UBR4: variants seen among roughly 807,000 people sequenced by gnomAD.
UBR4 encodes ubiquitin protein ligase E3 component n-recognin 4.
Under a neutral mutation model 575.6 loss-of-function variants are expected in UBR4, and 124 were observed. The ratio of observed to expected loss-of-function variants is 0.22; its 90% confidence interval spans 0.19 to 0.25. UBR4 has a LOEUF of 0.25. UBR4 is among the 10% of genes least tolerant of loss of function. The probability of loss-of-function intolerance (pLI) is 1.00; values close to 1 mark genes in which losing one functional copy is unlikely to be tolerated. For missense variants in UBR4, 4,818 were observed against 6,478.8 expected (o/e 0.74, Z 8.80); for synonymous variants, 2,455 against 2,473.7 (o/e 0.99, Z 0.22).
intron 17 of UBR4, 24 bp from the exon 18 acceptor site, chr1:19,179,244 A>G (rs767686744): frequency 6.6e-7 from 1 of 1,523,504 alleles, no homozygotes; most frequent in Non-Finnish European, 8.8e-7. Context: ...CATGGAACAG[A>G]ACATTAGCAA....
intron 97 of UBR4, among the ~76,000 whole-genome samples, chr1:19,090,463 G>A (rs554062642): frequency 6.6e-6 from 1 of 152,028 alleles, no homozygotes; most frequent in African/African-American, 2.4e-5. Flanking sequence ...CCTCGCCTCC[G>A]ACTGCAGCTG....
chr1:19,099,698 A>T (rs778052315), intron 89 of UBR4, 21 bp from the exon 90 acceptor site: 1 of 1,605,890 alleles, frequency 6.2e-7, no homozygotes, highest in Non-Finnish European at 8.5e-7. Flanking sequence ...AAGCAGGTGA[A>T]GCTGTTGTTC....
rs746371201 is a variant in UBR4, at chr1:19,093,333, C to G, written c.14091G>C (p.Lys4697Asn). The change falls in exon 96 of 106, where the codon AAG (lysine) becomes AAC (asparagine). Residue 4697 changes from lysine (K) to asparagine (N), a missense_variant. Coordinates refer to ENST00000375254, the MANE Select transcript of UBR4 (RefSeq NM_020765.3). The surrounding 1 kb of genome is among the most constrained non-coding windows in gnomAD (Gnocchi z 4.8). ...ITQNALDYMK[K>N]HIPSAKNLDA... Reference sequence around the variant, plus strand: ...CATACTTCTTGGCGCTAGGGATGTGCTTTTTCATGTAGTCAAGTGCATTCT... The same window carrying G: ...CATACTTCTTGGCGCTAGGGATGTGGTTTTTCATGTAGTCAAGTGCATTCT... 1 of 1,613,882 alleles carries G rather than the reference C, an allele frequency of 6.2e-7. No individual in the cohort carries two copies. Among genetic ancestry groups the G allele is most frequent in the South Asian group, 1.1e-5 (1 of 91,060 alleles).
At chr1:19,187,076 T>TTATATATATATATATATA (rs59833909) in intron 13 of UBR4, 88 bp downstream of exon 13, 1 of 690,890 alleles carries the variant, frequency 1.4e-6, no homozygotes, top group Admixed American at 5.6e-5. Flanking sequence ...CAAGAAAGTT[T>TTATATATATATATATATA]TATATATATA....
Position 19,105,057 on chromosome 1 carries a change from G to A in UBR4, c.12636C>T (p.Leu4212=). 1 of 1,613,812 alleles carries A rather than the reference G, an allele frequency of 6.2e-7. No homozygotes were observed. The highest frequency in any genetic ancestry group is 8.5e-7 in the Non-Finnish European group (1 of 1,179,824). ...ARGVLPYVGN[L]ITKEIARLLA... is the part of the protein sequence containing the mutation. ...CAATAGGGTAGGATACCTTGGTGAT[G>A]AGGTTGCCCACATAGGGTAGGACTC... The change falls in exon 85 of 106, where the codon CTC becomes CTT. Residue 4212 remains leucine (L), a synonymous_variant. Transcript: ENST00000375254.
At position 19,197,999 on chromosome 1, in the gene UBR4, G is replaced by C. The variant is rs780280021; in HGVS notation, c.699C>G (p.Ile233Met). 2 of 1,614,114 alleles carry C rather than the reference G, an allele frequency of 1.2e-6. No individual in the cohort carries two copies. Among genetic ancestry groups the C allele is most frequent in the Admixed American group, 3.3e-5 (2 of 60,028 alleles). Reference sequence around the variant, plus strand: ...GAGCTATGAACACATTCTTGGTTTTGATAGCTGAGGCTTGATCTGTAGATG... The same window carrying C: ...GAGCTATGAACACATTCTTGGTTTTCATAGCTGAGGCTTGATCTGTAGATG... Reference protein sequence around the residue: ...EQSSTDQASAIKTKNVFIAQN... With the variant: ...EQSSTDQASAMKTKNVFIAQN... Residue 233 changes from isoleucine (I) to methionine (M), a missense_variant, in exon 6 of 106, where the codon ATC becomes ATG. Physicochemically the swap from Ile to Met is conservative, Grantham distance 10. Transcript: ENST00000375254.
intron 68 of UBR4, among the ~76,000 whole-genome samples, chr1:19,120,617 A>G (rs1448060637): frequency 6.6e-6 from 1 of 152,240 alleles, no homozygotes; most frequent in East Asian, 1.9e-4. Context: ...TAAAAACCAC[A>G]GGATAAAGTG....
At position 19,167,047 on chromosome 1, in the gene UBR4, G is replaced by C. The variant is rs7512412; in HGVS notation, c.4084C>G (p.Leu1362Val). The C allele has an allele frequency of 6.2e-7, 1 of 1,614,224 alleles. No homozygotes were observed. The highest frequency in any genetic ancestry group is 1.7e-5 in the Admixed American group (1 of 60,026). Residue 1362 changes from leucine (L) to valine (V), a missense_variant, in exon 29 of 106, where the codon CTG becomes GTG. Coordinates refer to ENST00000375254, the MANE Select transcript of UBR4 (RefSeq NM_020765.3). ...CTGTTAGGATCTGCATGATTGGCCA[G>C]AATGTTGTAACAACCAGTGATCAGC... ...EKLITGCYNI[L>V]ANHADPNSGL...
At chr1:19,159,603 C>CTT (rs35082539) in intron 39 of UBR4, among the ~76,000 whole-genome samples, 52 of 139,698 alleles carry the variant, frequency 3.7e-4, no homozygotes, top group Middle Eastern at 3.7e-3. Context: ...AGCCCCACTC[C>CTT]TTTTTTTTTT....
At position 19,087,975 on chromosome 1, in the gene UBR4, C is replaced by T. The variant is rs368149842; in HGVS notation, c.14431-46G>A. ...CATGTCAAGGGGATTTCCACACACC[C>T]TCTCCCACCCTAGCTTGGAGATGCT... On this transcript the variant is annotated intron_variant, in intron 98 of 105. Coordinates refer to ENST00000375254, the MANE Select transcript of UBR4 (RefSeq NM_020765.3). The T allele has an allele frequency of 3.5e-5, 51 of 1,458,394 alleles. No homozygotes were observed. In the African/African-American group the frequency reaches 4.6e-4, roughly 13 times the overall value. The allele number at this position is 1,458,394 out of a possible 1,614,324, so 90.3% of individuals were successfully genotyped here. A position where few individuals can be genotyped will look rare whatever the true frequency, so the allele number is the denominator to read the frequency against.
rs973141933 is a variant in UBR4 at position 19,099,456 on chromosome 1, C to G, written c.13302+141G>C. The stretch of plus-strand genomic sequence containing the variant: ...GAAAACAAGATTGGTTTTCTCCACA[C>G]AACCCCAAACAGGGACAGTAAAGCC... On this transcript the variant is annotated intron_variant, in intron 90 of 105. Transcript: ENST00000375254. 1.3e-5 allele frequency: 9 copies of G among 682,334 alleles called. No individual in the cohort carries two copies. The Admixed American group carries it at 1.6e-4, about 12-fold the overall frequency. The allele number at this position is 682,334 out of a possible 1,614,324, so 42.3% of individuals were successfully genotyped here.
At chr1:19,206,338 CTT>C (rs143493508) in intron 1 of UBR4, among the ~76,000 whole-genome samples, 10 of 143,764 alleles carry the variant, frequency 7.0e-5, no homozygotes, top group Non-Finnish European at 9.2e-5. Flanking sequence ...CCCTGTCTCT[CTT>C]TTTTTTTTTT....
At position 19,106,975 on chromosome 1, in the gene UBR4, G is replaced by A; in HGVS notation, c.12106-9C>T. On this transcript the variant is annotated splice_polypyrimidine_tract_variant and intron_variant, in intron 81 of 105. Transcript: ENST00000375254. Reference sequence around the variant, plus strand: ...GCCTCAACGGGGACATCCTGGAGGAGGCAAGTGGAGCAAGGTGAGGGCGCT... The same window carrying A: ...GCCTCAACGGGGACATCCTGGAGGAAGCAAGTGGAGCAAGGTGAGGGCGCT... The A allele has an allele frequency of 1.9e-6, 3 of 1,611,594 alleles. No individual in the cohort carries two copies. The highest frequency in any genetic ancestry group is 2.5e-6 in the Non-Finnish European group (3 of 1,179,744).
intron 9 of UBR4, among the ~76,000 whole-genome samples, chr1:19,192,795 T>A (rs1175088339): frequency 1.3e-5 from 2 of 152,090 alleles, no homozygotes; most frequent in Non-Finnish European, 2.9e-5. Context: ...CACTTTTTTT[T>A]TTTTAAGACG....
chr1:19,187,109 A>G, intron 13 of UBR4, 55 bp downstream of exon 13: 1 of 1,276,724 alleles, frequency 7.8e-7, no homozygotes. Context: ...TATATATATC[A>G]TATATATAAA....
At chr1:19,095,423 C>G in intron 93 of UBR4, 122 bp downstream of exon 93, 1 of 955,266 alleles carries the variant, frequency 1.0e-6, no homozygotes, top group Admixed American at 2.1e-5. Flanking sequence ...CACCAGTCAG[C>G]CAGAGAGATG....
intron 87 of UBR4, 136 bp downstream of exon 87, chr1:19,103,948 G>T: frequency 9.9e-7 from 1 of 1,010,830 alleles, no homozygotes; most frequent in East Asian, 2.5e-5. Flanking sequence ...GTCAAGAAAT[G>T]AGTCTCCCTT....
At chr1:19,144,303 C>T (rs993053329) in intron 54 of UBR4, among the ~76,000 whole-genome samples, 25 of 152,234 alleles carry the variant, frequency 1.6e-4, no homozygotes, top group African/African-American at 6.0e-4. Flanking sequence ...CCTCCTGTCT[C>T]TCAGTTCCTG....
intron 58 of UBR4, among the ~76,000 whole-genome samples, 188 bp downstream of exon 58, chr1:19,140,600 C>T (rs1018831125): frequency 2.0e-5 from 3 of 152,228 alleles, no homozygotes; most frequent in Non-Finnish European, 4.4e-5. Flanking sequence ...TGTGAGGAAG[C>T]GGAGCTGTGC....
Sources: gnomAD v4.1 joint callset for allele counts (sites outside exome capture counted in the v4.1 genomes callset) on GRCh38, gnomAD v4.1.1 for gene constraint, Gnocchi (gnomAD v3.1) non-coding constraint, MANE v1.5 for transcripts, NCBI Gene and HGNC (gene_info 2026-07-23, HGNC 2026-07-21) for gene names.